Variants in NDST1 observed in about 807,000 individuals in gnomAD.
NDST1 encodes bifunctional heparan sulfate N-deacetylase/N-sulfotransferase 1.
Under a neutral mutation model 92.8 loss-of-function variants are expected in NDST1, and 35 were observed. That is an observed-to-expected ratio of 0.38 (90% CI 0.29 to 0.50). The LOEUF (loss-of-function observed/expected upper bound fraction) is 0.50. Ranked by LOEUF, NDST1 falls within the 20% of genes least tolerant of loss-of-function variation. The probability of loss-of-function intolerance (pLI) is 0.94; values close to 1 mark genes in which losing one functional copy is unlikely to be tolerated. For synonymous variants in NDST1, 493 were observed against 500.3 expected (o/e 0.99, Z 0.19); for missense variants, 822 against 1,182.7 (o/e 0.69, Z 4.47).
intron 10 of NDST1, among the ~76,000 whole-genome samples, chr5:150,544,015 T>A (rs933565638): frequency 7.2e-5 from 11 of 152,326 alleles, no homozygotes; most frequent in African/African-American, 2.4e-4. Context: ...CCTGACCTCG[T>A]GATCTGCCCG....
rs1449753213 is a variant in NDST1 at position 150,553,693 on chromosome 5, G to A, written c.*361G>A. On this transcript the variant is annotated 3_prime_UTR_variant, in exon 15 of 15. Transcript: ENST00000261797. The surrounding 1 kb of genome is among the most constrained non-coding windows in gnomAD (Gnocchi z 4.2). ...CCATCACTCCCTGCTTCCGCAGGGC[G>A]CCCCTCAGTATTCGCTGCCATATGT... 5 of 413,248 alleles carry A rather than the reference G, an allele frequency of 1.2e-5. No homozygotes were observed. The highest frequency in any genetic ancestry group is 5.3e-5 in the East Asian group (1 of 18,750). The allele number at this position is 413,248 out of a possible 1,614,324, so 25.6% of individuals were successfully genotyped here.
chr5:150,525,143 G>C (rs1754414444), intron 2 of NDST1, among the ~76,000 whole-genome samples: 1 of 152,210 alleles, frequency 6.6e-6, no homozygotes, highest in African/African-American at 2.4e-5. Flanking sequence ...TGGGTACTCA[G>C]TGGTGAGGAG....
At position 150,520,857 on chromosome 5, in the gene NDST1, A is replaced by G. The variant is rs1310625966; in HGVS notation, c.-387-11A>G. The G allele has an allele frequency of 6.9e-6, 3 of 432,480 alleles. No homozygotes were observed. The highest frequency in any genetic ancestry group is 1.2e-5 in the Non-Finnish European group (3 of 245,860). The allele number at this position is 432,480 out of a possible 1,614,324, so 26.8% of individuals were successfully genotyped here. On this transcript the variant is annotated splice_polypyrimidine_tract_variant and intron_variant, in intron 1 of 14. Transcript: ENST00000261797. ...GCACTCTGACGCTCCTGTTCTCTCC[A>G]CTCTCCACAGCCTTAGCCCCGTGGG... is the stretch of plus-strand genomic sequence containing the variant.
chr5:150,524,411 C>T (rs1754377070), intron 2 of NDST1, among the ~76,000 whole-genome samples: 1 of 152,244 alleles, frequency 6.6e-6, no homozygotes, highest in Admixed American at 6.5e-5. Flanking sequence ...ATAGGGTCAT[C>T]CTCATCTGGA....
upstream of NDST1, among the ~76,000 whole-genome samples, chr5:150,505,853 C>T (rs1753429895): frequency 6.6e-6 from 1 of 152,064 alleles, no homozygotes; most frequent in African/African-American, 2.4e-5. Context: ...AGTTGTAGCT[C>T]ACTGCGGCCT....
chr5:150,520,080 C>A (rs1754174821), intron 1 of NDST1, among the ~76,000 whole-genome samples: 1 of 152,084 alleles, frequency 6.6e-6, no homozygotes, highest in Non-Finnish European at 1.5e-5. Flanking sequence ...TGGGTACGTA[C>A]CCCGAGGATG....
At chr5:150,517,094 C>G (rs972002142) in intron 1 of NDST1, among the ~76,000 whole-genome samples, 3 of 151,594 alleles carry the variant, frequency 2.0e-5, no homozygotes, top group Non-Finnish European at 4.4e-5. Context: ...TTCCCATATG[C>G]CTTCTTCCCC....
intron 12 of NDST1, among the ~76,000 whole-genome samples, chr5:150,549,347 C>T (rs1214276929): frequency 6.6e-6 from 1 of 152,236 alleles, no homozygotes; most frequent in Non-Finnish European, 1.5e-5. Flanking sequence ...GGCAAACTTG[C>T]GGAGTGTTTG....
Position 150,521,671 on chromosome 5 carries a change from G to T in NDST1, c.417G>T (p.Glu139Asp). ...GCCGCTTCGCCCTCATCATCTATGA[G>T]AACATCCTCAAGTATGTCAACCTGG... ...GRGRFALIIY[E>D]NILKYVNLDA... Residue 139 changes from glutamate to aspartate, a missense_variant, in exon 2 of 15, where the codon GAG (glutamate) becomes GAT (aspartate). Glu to Asp is a conservative substitution (Grantham distance 45, BLOSUM62 2). Transcript: ENST00000261797. This position sits in a 1 kb window ranked among gnomAD's most constrained non-coding sequence, Gnocchi z 5.9. The T allele has an allele frequency of 6.2e-7, 1 of 1,614,082 alleles. No homozygotes were observed. The highest frequency in any genetic ancestry group is 1.1e-5 in the South Asian group (1 of 91,086).
rs1331740878 is a variant in NDST1, at chr5:150,535,907, C to G, written c.1437+22C>G. On this transcript the variant is annotated intron_variant, in intron 6 of 14. Transcript: ENST00000261797. Reference sequence around the variant, plus strand: ...CATGGTGAGTGGGCCCCTGGAAGCCCAGGAGGTGGGAGAATGGAGAGCACA... The same window carrying G: ...CATGGTGAGTGGGCCCCTGGAAGCCGAGGAGGTGGGAGAATGGAGAGCACA... 1.9e-6 allele frequency: 3 copies of G among 1,609,492 alleles called. No homozygotes were observed. In the African/African-American group the frequency reaches 4.0e-5, roughly 22 times the overall value.
chr5:150,506,546 T>C (rs1368661895), upstream of NDST1, among the ~76,000 whole-genome samples: 1 of 152,194 alleles, frequency 6.6e-6, no homozygotes, highest in African/African-American at 2.4e-5. Flanking sequence ...AGGTACTTTT[T>C]AGAGTCTCGC....
chr5:150,533,622 A>G (rs1431073849), intron 4 of NDST1, among the ~76,000 whole-genome samples: 1 of 152,120 alleles, frequency 6.6e-6, no homozygotes, highest in African/African-American at 2.4e-5. Context: ...CATTCCCCCT[A>G]GCTGCCTTCT....
chr5:150,535,477 G>A, intron 5 of NDST1: 1 of 855,414 alleles, frequency 1.2e-6, no homozygotes, highest in African/African-American at 1.8e-5. Flanking sequence ...CCAAGAGTCA[G>A]GAGACCTGGG....
In NDST1 at chr5:150,540,150, C is replaced by T. The variant is rs1000776454; in HGVS notation, c.1635C>T (p.His545=). 6.2e-7 allele frequency: 1 copy of T among 1,614,252 alleles called. No homozygotes were observed. Among genetic ancestry groups the T allele is most frequent in the South Asian group, 1.1e-5 (1 of 91,090 alleles). Residue 545 remains histidine (H), a synonymous_variant, in exon 8 of 15, where the codon CAC becomes CAT. Transcript: ENST00000261797. The stretch of plus-strand genomic sequence containing the variant: ...GCCTGGGCCTGTACACCTTCAAGCA[C>T]CTGGTGCGCTTCCTGCACTCCTGGA... ...NDRLGLYTFK[H]LVRFLHSWTN... is the part of the protein sequence containing the mutation.
rs113293881 is a variant in NDST1 at position 150,533,764 on chromosome 5, T to C, written c.1096+732T>C. ...AGTGATCCTGGGTTGTCTGTCTGTATTTTTTATATTCTTTTTAAAATTTTT... is the reference window on the plus strand; with the variant it reads ...AGTGATCCTGGGTTGTCTGTCTGTACTTTTTATATTCTTTTTAAAATTTTT... On this transcript the variant is annotated intron_variant, in intron 4 of 14. Coordinates refer to ENST00000261797, the MANE Select transcript of NDST1 (RefSeq NM_001543.5). Among the ~76,000 whole-genome samples the C allele has an allele frequency of 1.6e-3, 250 of 152,316 alleles. 1 individual carries two copies. The highest frequency in any genetic ancestry group is 5.2e-3 in the African/African-American group (217 of 41,572).
rs1046675607 is a variant in NDST1 at position 150,554,709 on chromosome 5, C to T, written c.*1377C>T. On this transcript the variant is annotated 3_prime_UTR_variant, in exon 15 of 15. Transcript: ENST00000261797. ...GGGCTAGGAGAGCTGGGGTCAAAAGCTGCCCCACCCACTCTCCCTCACATG... is the reference window on the plus strand; with the variant it reads ...GGGCTAGGAGAGCTGGGGTCAAAAGTTGCCCCACCCACTCTCCCTCACATG... 9 of 152,802 alleles carry T rather than the reference C, an allele frequency of 5.9e-5. No homozygotes were observed. The highest frequency in any genetic ancestry group is 2.1e-4 in the South Asian group (1 of 4,834). 9.5% of individuals were successfully genotyped at this position (152,802 alleles called of 1,614,324 possible). A position where few individuals can be genotyped will look rare whatever the true frequency, so the allele number is the denominator to read the frequency against.
chr5:150,502,467 A>G (rs776878595), intron 1 of NDST1, among the ~76,000 whole-genome samples: 2 of 151,928 alleles, frequency 1.3e-5, no homozygotes, highest in Non-Finnish European at 2.9e-5. Context: ...AGGTTTGGGA[A>G]GAGCAATTAA....
At chr5:150,530,152 G>C (rs547780002) in intron 3 of NDST1, among the ~76,000 whole-genome samples, 327 of 152,288 alleles carry the variant, frequency 2.1e-3, no homozygotes, top group African/African-American at 7.5e-3. Context: ...TGGGGTGGGG[G>C]TTAGGGGGAT....
chr5:150,500,646 G>A (rs1010923713), intron 1 of NDST1, among the ~76,000 whole-genome samples: 7 of 152,220 alleles, frequency 4.6e-5, no homozygotes, highest in African/African-American at 1.4e-4. Context: ...GGCTCAAAGT[G>A]GGCAAGTGCT....
Sources: gnomAD v4.1 joint callset for allele counts (sites outside exome capture counted in the v4.1 genomes callset) on GRCh38, gnomAD v4.1.1 for gene constraint, Gnocchi (gnomAD v3.1) non-coding constraint, MANE v1.5 for transcripts, NCBI Gene and HGNC (gene_info 2026-07-23, HGNC 2026-07-21) for gene names.